Variants in SULF2 observed in about 807,000 individuals in gnomAD.
SULF2 encodes the protein sulfatase 2, also known as extracellular sulfatase Sulf-2.
SULF2 carries 52 observed loss-of-function variants against 107.7 expected under a neutral mutation model. That is an observed-to-expected ratio of 0.48 (90% CI 0.39 to 0.61). The LOEUF is 0.61. Ranked by LOEUF, SULF2 falls within the 20% of genes least tolerant of loss-of-function variation. SULF2 has a pLI of 0.00. For missense variants in SULF2, 993 were observed against 1,177.3 expected (o/e 0.84, Z 2.29); for synonymous variants, 460 against 464.3 (o/e 0.99, Z 0.12).
intron 1 of SULF2, among the ~76,000 whole-genome samples, chr20:47,779,701 G>T (rs563158919): frequency 1.3e-4 from 20 of 152,258 alleles, no homozygotes; most frequent in South Asian, 4.1e-4. Context: ...CCACCTCCTG[G>T]GTTCAAACGA....
rs142088765 is a variant in SULF2, at chr20:47,761,961, G to A, written c.-100-4498C>T. On this transcript the variant is annotated intron_variant, in intron 1 of 20. Transcript: ENST00000688720. ...GTGAATAAGTCTCATGAGATCTGACGGTTTTATAAAGGGTTTCCCCTTTTG... is the reference window on the plus strand; with the variant it reads ...GTGAATAAGTCTCATGAGATCTGACAGTTTTATAAAGGGTTTCCCCTTTTG... 5.0e-3 allele frequency among the ~76,000 whole-genome samples: 755 copies of A among 152,256 alleles called. 6 individuals carry two copies. The highest frequency in any genetic ancestry group is 6.4e-3 in the Non-Finnish European group (435 of 68,020).
At chr20:47,673,572 C>T (rs1333450817) in intron 10 of SULF2, among the ~76,000 whole-genome samples, 2 of 152,160 alleles carry the variant, frequency 1.3e-5, no homozygotes, top group African/African-American at 4.8e-5. Flanking sequence ...TCATCTTGCC[C>T]CTGTCCCGCC....
intron 3 of SULF2, among the ~76,000 whole-genome samples, chr20:47,727,315 C>T (rs554671504): frequency 3.3e-5 from 5 of 152,130 alleles, no homozygotes; most frequent in South Asian, 4.2e-4. Flanking sequence ...GGGAGGAGGC[C>T]GCATGAAGAT....
chr20:47,719,078 T>C (rs2089211094), intron 3 of SULF2, among the ~76,000 whole-genome samples: 1 of 152,222 alleles, frequency 6.6e-6, no homozygotes, highest in East Asian at 1.9e-4. Context: ...TTGTCACCAA[T>C]GGGAATTACG....
intron 3 of SULF2, among the ~76,000 whole-genome samples, chr20:47,715,870 C>T (rs1208825254): frequency 3.9e-5 from 6 of 152,210 alleles, no homozygotes; most frequent in African/African-American, 7.2e-5. Flanking sequence ...TGAGCCACTG[C>T]GCCTGGCTGA....
chr20:47,779,148 G>T (rs1453877327), intron 1 of SULF2, among the ~76,000 whole-genome samples: 2 of 152,120 alleles, frequency 1.3e-5, no homozygotes, highest in Admixed American at 1.3e-4. Flanking sequence ...TCCTTGGCAG[G>T]ATACATCATG....
chr20:47,711,861 C>G (rs910030002), intron 3 of SULF2, among the ~76,000 whole-genome samples: 2 of 152,148 alleles, frequency 1.3e-5, no homozygotes, highest in Non-Finnish European at 2.9e-5. Context: ...ATATACAACA[C>G]ACATATACAC....
At chr20:47,713,016 G>A (rs1427504459) in intron 3 of SULF2, among the ~76,000 whole-genome samples, 1 of 151,240 alleles carries the variant, frequency 6.6e-6, no homozygotes, top group African/African-American at 2.5e-5. Context: ...ACTCCAGCCT[G>A]GGTAACAGAG....
chr20:47,676,105 G>C (rs923579969), intron 10 of SULF2, among the ~76,000 whole-genome samples: 1 of 152,174 alleles, frequency 6.6e-6, no homozygotes, highest in Non-Finnish European at 1.5e-5. Flanking sequence ...ATTTTAAAAA[G>C]CCATGTCTTA....
chr20:47,727,640 C>T (rs1335512080), intron 3 of SULF2, among the ~76,000 whole-genome samples: 1 of 152,182 alleles, frequency 6.6e-6, no homozygotes, highest in Non-Finnish European at 1.5e-5. Flanking sequence ...GTGGCCACTT[C>T]CTCTTACGGC....
chr20:47,738,950 C>CA (rs1158358666), intron 2 of SULF2, among the ~76,000 whole-genome samples: 1 of 152,172 alleles, frequency 6.6e-6, no homozygotes, highest in African/African-American at 2.4e-5. Context: ...ACATAGGACA[C>CA]AAAGTGGAGA....
chr20:47,714,755 C>T (rs2089056966), intron 3 of SULF2, among the ~76,000 whole-genome samples: 1 of 152,120 alleles, frequency 6.6e-6, no homozygotes, highest in African/African-American at 2.4e-5. Flanking sequence ...CCCCACTTTC[C>T]CCCCAGCCTC....
At chr20:47,784,771 G>A (rs1182428034) in intron 1 of SULF2, among the ~76,000 whole-genome samples, 1 of 152,224 alleles carries the variant, frequency 6.6e-6, no homozygotes, top group Non-Finnish European at 1.5e-5. Flanking sequence ...CCGAGGAGCC[G>A]GGGAGGGGAG....
chr20:47,678,526 C>CACGGGGACCATGCTTCTCTCCT lies in SULF2; in HGVS notation c.1193+149_1193+150insAGGAGAGAAGCATGGTCCCCGT. The CACGGGGACCATGCTTCTCTCCT allele has an allele frequency of 1.0e-6, 1 of 984,376 alleles. No individual in the cohort carries two copies. Among genetic ancestry groups the CACGGGGACCATGCTTCTCTCCT allele is most frequent in the Non-Finnish European group, 1.5e-6 (1 of 663,484 alleles). The allele number at this position is 984,376 out of a possible 1,614,324, so 61.0% of individuals were successfully genotyped here. ...CGGAGAGGGGACCATGCTTCTCTCCCACAGCAGGTAAGTGGTTGGCATGGC... is the reference window on the plus strand; with the variant it reads ...CGGAGAGGGGACCATGCTTCTCTCCCACGGGGACCATGCTTCTCTCCTACAGCAGGTAAGTGGTTGGCATGGC... On this transcript the variant is annotated intron_variant, in intron 8 of 20. Coordinates refer to ENST00000688720, the MANE Select transcript of SULF2 (RefSeq NM_001387048.1). The surrounding 1 kb of genome is among the most constrained non-coding windows in gnomAD (Gnocchi z 4.5).
intron 1 of SULF2, among the ~76,000 whole-genome samples, chr20:47,766,418 T>C (rs1158188945): frequency 2.0e-5 from 3 of 152,034 alleles, no homozygotes; most frequent in South Asian, 2.1e-4. Flanking sequence ...CAGGAGACAA[T>C]AGAAGGGTCA....
At chr20:47,697,512 C>T (rs1418515163) in intron 4 of SULF2, among the ~76,000 whole-genome samples, 1 of 152,192 alleles carries the variant, frequency 6.6e-6, no homozygotes. Flanking sequence ...TGGCTGGAAA[C>T]CCCGGGCTCA....
At chr20:47,662,902 T>TGGAGGCAAAAAAGGC in intron 17 of SULF2, among the ~76,000 whole-genome samples, 168 bp downstream of exon 17, 1 of 117,800 alleles carries the variant, frequency 8.5e-6, no homozygotes, top group Non-Finnish European at 2.1e-5. Context: ...AAAAGGCTGA[T>TGGAGGCAAAAAAGGC]TGAACACAGA....
intron 2 of SULF2, among the ~76,000 whole-genome samples, chr20:47,742,951 T>TGCCA (rs2089922749): frequency 8.7e-6 from 1 of 114,494 alleles, no homozygotes; most frequent in Non-Finnish European, 1.8e-5. Flanking sequence ...TTTTTTTTTT[T>TGCCA]TTTTTTGCCA....
intron 13 of SULF2, 33 bp downstream of exon 13, chr20:47,665,824 C>T (rs546821347): frequency 2.5e-5 from 39 of 1,579,614 alleles, no homozygotes; most frequent in South Asian, 4.4e-5. Flanking sequence ...CCGTGGTGGC[C>T]GAGAGCATGC....
Sources: allele counts gnomAD v4.1 joint callset (sites outside exome capture counted in the v4.1 genomes callset), GRCh38; gene constraint gnomAD v4.1.1; non-coding constraint Gnocchi (gnomAD v3.1); transcripts MANE v1.5; gene names NCBI Gene and HGNC (gene_info 2026-07-23, HGNC 2026-07-21).